Variants in NAV3 observed in about 807,000 individuals in gnomAD.
NAV3 encodes pore membrane and/or filament interacting like protein 1.
In NAV3, 87 loss-of-function variants were observed where a neutral mutation model predicts 244.7. The observed-to-expected ratio is 0.36, with a 90% CI of 0.30 to 0.42. The LOEUF (loss-of-function observed/expected upper bound fraction) is 0.42. Ranked by LOEUF, NAV3 falls within the 20% of genes least tolerant of loss-of-function variation. NAV3 has a pLI of 1.00. For missense variants in NAV3, 2,663 were observed against 2,893.3 expected (o/e 0.92, Z 1.83); for synonymous variants, 1,126 against 1,042.2 (o/e 1.08, Z -1.55).
At chr12:77,948,840 T>G (rs1165618619) in intron 3 of NAV3, among the ~76,000 whole-genome samples, 1 of 151,714 alleles carries the variant, frequency 6.6e-6, no homozygotes, top group Non-Finnish European at 1.5e-5. Context: ...CTGAAAAAAA[T>G]CTGTGATAGT....
chr12:78,156,149 A>G lies in NAV3; in HGVS notation c.4786-3054A>G, dbSNP rs371987696. 7.9e-5 allele frequency among the ~76,000 whole-genome samples: 12 copies of G among 152,158 alleles called. No individual in the cohort carries two copies. In the East Asian group the frequency reaches 9.7e-4, roughly 12 times the overall value. On this transcript the variant is annotated intron_variant, in intron 22 of 39. Coordinates refer to ENST00000397909, the MANE Select transcript of NAV3 (RefSeq NM_001024383.2). ...TTTGGATTTTACTTGTAAGTCTTTA[A>G]TCCATCTTGGGTTAATTTTTGTATA...
rs772966279 is a variant in NAV3 at position 78,205,027 on chromosome 12, A to C, written c.6927A>C (p.Pro2309=). Residue 2309 remains proline (P), a synonymous_variant, in exon 39 of 40, where the codon CCA becomes CCC. Coordinates refer to ENST00000397909, the MANE Select transcript of NAV3 (RefSeq NM_001024383.2). The part of the protein sequence containing the change: ...WSSATLPQES[P]ALLQLRPEDV... ...CAGCAACTCTGCCTCAGGAGAGCCCAGCCTTACTTCAGCTGCGACCAGAAG... is the reference window on the plus strand; with the variant it reads ...CAGCAACTCTGCCTCAGGAGAGCCCCGCCTTACTTCAGCTGCGACCAGAAG... The C allele has an allele frequency of 1.1e-5, 17 of 1,613,498 alleles. No individual in the cohort carries two copies. The East Asian group carries it at 3.8e-4, about 36-fold the overall frequency.
chr12:77,750,700 T>C lies in NAV3; in HGVS notation c.72+178434T>C, dbSNP rs527661646. 7.5e-4 allele frequency among the ~76,000 whole-genome samples: 114 copies of C among 152,312 alleles called. 1 individual carries two copies. The highest frequency in any genetic ancestry group is 2.1e-3 in the African/African-American group (89 of 41,572). ...ATTTAAAGTCTGAAGTGGATTTTAA[T>C]AATTGTGGTATACAGTGACAAGTGA... On this transcript the variant is annotated intron_variant, in intron 2 of 8. Transcript: ENST00000550042.
intron 1 of NAV3, among the ~76,000 whole-genome samples, chr12:77,864,730 A>C (rs553581201): frequency 6.6e-6 from 1 of 152,124 alleles, no homozygotes; most frequent in African/African-American, 2.4e-5. Flanking sequence ...AGGTACATTA[A>C]TCTGTAGTTC....
Position 78,210,634 on chromosome 12 carries a change from G to A in NAV3, c.*117G>A. ...ACCCTGTCAAGGGCCCTGACCCAGA[G>A]TTGTGGTCTCCAAGGAGGCAGCAGA... On this transcript the variant is annotated 3_prime_UTR_variant, in exon 40 of 40. Coordinates refer to ENST00000397909, the MANE Select transcript of NAV3 (RefSeq NM_001024383.2). 2 of 1,249,314 alleles carry A rather than the reference G, an allele frequency of 1.6e-6. No homozygotes were observed. The highest frequency in any genetic ancestry group is 2.2e-6 in the Non-Finnish European group (2 of 912,544). The allele number at this position is 1,249,314 out of a possible 1,614,324, so 77.4% of individuals were successfully genotyped here.
intron 12 of NAV3, among the ~76,000 whole-genome samples, chr12:78,080,252 G>C (rs1953280316): frequency 6.6e-6 from 1 of 152,176 alleles, no homozygotes; most frequent in Non-Finnish European, 1.5e-5. Flanking sequence ...CCAGTAGAAA[G>C]TGGAAAATGA....
intron 1 of NAV3, among the ~76,000 whole-genome samples, chr12:77,915,208 A>C (rs1887004513): frequency 6.6e-6 from 1 of 152,028 alleles, no homozygotes. Flanking sequence ...GCTTAATTTT[A>C]GTGTGTAATT....
intron 28 of NAV3, 82 bp from the exon 29 acceptor site, chr12:78,179,447 A>G: frequency 1.3e-6 from 2 of 1,517,642 alleles, no homozygotes; most frequent in Non-Finnish European, 1.8e-6. Context: ...AGAATATTGC[A>G]GTGCAGCCTT....
chr12:78,113,960 T>A (rs2694678), intron 12 of NAV3, among the ~76,000 whole-genome samples: 108 of 152,154 alleles, frequency 7.1e-4, no homozygotes, highest in African/African-American at 2.4e-3. Flanking sequence ...AAATCATATC[T>A]TGAACACTTT....
At chr12:77,934,904 T>C (rs1593044542) in intron 1 of NAV3, among the ~76,000 whole-genome samples, 1 of 152,210 alleles carries the variant, frequency 6.6e-6, no homozygotes, top group Admixed American at 6.5e-5. Context: ...ATTCATAATA[T>C]CTTCTAATCA....
chr12:78,114,086 A>G (rs1955243596), intron 12 of NAV3, among the ~76,000 whole-genome samples: 1 of 152,214 alleles, frequency 6.6e-6, no homozygotes, highest in Non-Finnish European at 1.5e-5. Flanking sequence ...AAGCATAACA[A>G]GAGTCACCTT....
At chr12:78,131,376 A>G (rs997728368) in intron 18 of NAV3, among the ~76,000 whole-genome samples, 2 of 152,240 alleles carry the variant, frequency 1.3e-5, no homozygotes, top group Non-Finnish European at 2.9e-5. Flanking sequence ...CAAAGAATGT[A>G]TAGCTTTTAT....
At chr12:77,667,634 C>T (rs1243042443) in intron 2 of NAV3, among the ~76,000 whole-genome samples, 3 of 152,058 alleles carry the variant, frequency 2.0e-5, no homozygotes, top group Admixed American at 6.6e-5. Flanking sequence ...TCAGACATAC[C>T]CATCCCTGCC....
chr12:77,929,638 T>C lies in NAV3; in HGVS notation c.244-10681T>C, dbSNP rs114599507. 2.6e-3 allele frequency among the ~76,000 whole-genome samples: 398 copies of C among 151,906 alleles called. 1 individual carries two copies. Among genetic ancestry groups the C allele is most frequent in the African/African-American group, 9.2e-3 (380 of 41,504 alleles). The stretch of plus-strand genomic sequence containing the variant: ...ATAACCTTATTTTTATTTATTTATT[T>C]ACTTATTTATTTTTATTTTCTTTTA... On this transcript the variant is annotated intron_variant, in intron 1 of 39. Transcript: ENST00000397909.
At chr12:77,736,645 G>A (rs1877347172) in intron 2 of NAV3, among the ~76,000 whole-genome samples, 1 of 152,172 alleles carries the variant, frequency 6.6e-6, no homozygotes, top group Non-Finnish European at 1.5e-5. Context: ...ACTGGTTATG[G>A]TTAAAGTGAA....
At chr12:77,852,183 A>G (rs1877629903) in intron 1 of NAV3, among the ~76,000 whole-genome samples, 1 of 152,234 alleles carries the variant, frequency 6.6e-6, no homozygotes, top group Non-Finnish European at 1.5e-5. Flanking sequence ...GCTCATTATA[A>G]AGTTCACGTG....
chr12:77,734,303 T>C (rs972900456), intron 2 of NAV3, among the ~76,000 whole-genome samples: 6 of 152,068 alleles, frequency 3.9e-5, no homozygotes, highest in African/African-American at 1.4e-4. Flanking sequence ...TCATGGTCTT[T>C]TTCATTTGCA....
intron 9 of NAV3, among the ~76,000 whole-genome samples, chr12:78,026,776 G>A (rs1435393961): frequency 6.6e-6 from 1 of 152,086 alleles, no homozygotes; most frequent in African/African-American, 2.4e-5. Context: ...CCAATGGATG[G>A]TTAGTATATA....
At chr12:77,633,938 T>C (rs1299803847) in intron 2 of NAV3, among the ~76,000 whole-genome samples, 1 of 152,220 alleles carries the variant, frequency 6.6e-6, no homozygotes, top group African/African-American at 2.4e-5. Context: ...TTCTAATTGT[T>C]CAGATCTTAT....
Sources: gnomAD v4.1 joint callset for allele counts (sites outside exome capture counted in the v4.1 genomes callset) on GRCh38, gnomAD v4.1.1 for gene constraint, MANE v1.5 for transcripts, NCBI Gene and HGNC (gene_info 2026-07-23, HGNC 2026-07-21) for gene names.